Variants in ZFP2 observed in about 807,000 individuals in gnomAD.
ZFP2 encodes ZFP2 zinc finger protein.
In ZFP2, 33 loss-of-function variants were observed where a neutral mutation model predicts 36.1. That is an observed-to-expected ratio of 0.92 (90% CI 0.69 to 1.22). The LOEUF (loss-of-function observed/expected upper bound fraction) is 1.22. Among genes scored for constraint, ZFP2 ranks in the 50% most tolerant of loss-of-function variants. The pLI is 0.00. For synonymous variants in ZFP2, 170 were observed against 178.0 expected, an observed-to-expected ratio of 0.96 and a Z score of 0.36; for missense variants, 522 against 551.4, an observed-to-expected ratio of 0.95 and a Z score of 0.53.
chr5:178,917,720 G>T (rs1375971605), intron 4 of ZFP2, among the ~76,000 whole-genome samples: 2 of 152,182 alleles, frequency 1.3e-5, no homozygotes, highest in Non-Finnish European at 2.9e-5. Flanking sequence ...CATACACAGA[G>T]AATTTATATA....
intron 4 of ZFP2, among the ~76,000 whole-genome samples, chr5:178,924,262 A>G (rs542005477): frequency 6.8e-6 from 1 of 147,148 alleles, no homozygotes; most frequent in Non-Finnish European, 1.5e-5. Flanking sequence ...AGTCCCAGCT[A>G]CTCGGGAGGC....
At chr5:178,931,172 CT>C in intron 4 of ZFP2, 64 bp from the exon 5 acceptor site, 1 of 1,433,914 alleles carries the variant, frequency 7.0e-7, no homozygotes, top group Non-Finnish European at 9.1e-7. Flanking sequence ...TCATTCCTAC[CT>C]TATGCAGTTT....
chr5:178,914,498 A>G (rs1288806629), intron 3 of ZFP2, among the ~76,000 whole-genome samples: 2 of 152,200 alleles, frequency 1.3e-5, no homozygotes, highest in African/African-American at 2.4e-5. Context: ...TATGGATTTT[A>G]TTACTATTGA....
chr5:178,932,286 C>A lies in ZFP2; in HGVS notation c.973C>A (p.Pro325Thr), dbSNP rs1448036578. 1 of 1,614,038 alleles carries A rather than the reference C, an allele frequency of 6.2e-7. No individual in the cohort carries two copies. Among genetic ancestry groups the A allele is most frequent in the African/African-American group, 1.3e-5 (1 of 74,916 alleles). Reference sequence around the variant, plus strand: ...TCAGAGACTTCATTCTGGAGTAAAACCTTTTGAATGTAACGAGTGTGGAAA... The same window carrying A: ...TCAGAGACTTCATTCTGGAGTAAAAACTTTTGAATGTAACGAGTGTGGAAA... ...EHQRLHSGVKPFECNECGKAF... is the reference protein window; with the variant it reads ...EHQRLHSGVKTFECNECGKAF... The change falls in exon 5 of 5, where the codon CCT (proline) becomes ACT (threonine). Residue 325 changes from proline to threonine, a missense_variant. Transcript: ENST00000361362.
At chr5:178,908,094 GGAAATT>G (rs1415870263) in intron 1 of ZFP2, among the ~76,000 whole-genome samples, 9 of 152,154 alleles carry the variant, frequency 5.9e-5, no homozygotes. Context: ...TAAATCGCCT[GGAAATT>G]AATGCAGTGT....
At position 178,931,397 on chromosome 5, in the gene ZFP2, T is replaced by C; in HGVS notation, c.84T>C (p.His28=). The C allele has an allele frequency of 6.2e-7, 1 of 1,614,132 alleles. No individual in the cohort carries two copies. Among genetic ancestry groups the C allele is most frequent in the Non-Finnish European group, 8.5e-7 (1 of 1,180,006 alleles). Reference sequence around the variant, plus strand: ...GGTTAGAGGGACAACAGGATAGTCATCTGAGCCAAGTGGGAGTTACCCATA... The same window carrying C: ...GGTTAGAGGGACAACAGGATAGTCACCTGAGCCAAGTGGGAGTTACCCATA... ...NNWLEGQQDS[H]LSQVGVTHKE... Residue 28 remains histidine, a synonymous_variant, in exon 5 of 5, where the codon CAT becomes CAC. Transcript: ENST00000361362.
At chr5:178,898,700 C>G (rs1296694318) in intron 1 of ZFP2, among the ~76,000 whole-genome samples, 4 of 152,182 alleles carry the variant, frequency 2.6e-5, no homozygotes. Flanking sequence ...CCCTCTCAAA[C>G]CTCCCCCTTC....
chr5:178,912,541 CAG>C (rs779088189), intron 1 of ZFP2, 41 bp from the exon 2 acceptor site: 31 of 550,052 alleles, frequency 5.6e-5, no homozygotes, highest in Non-Finnish European at 7.0e-5. Context: ...TCACTCCCCT[CAG>C]AGGGTTTGGT....
At chr5:178,919,224 G>T (rs192465647) in intron 4 of ZFP2, among the ~76,000 whole-genome samples, 15 of 152,178 alleles carry the variant, frequency 9.9e-5, no homozygotes, top group Non-Finnish European at 2.1e-4. Flanking sequence ...CCATCTATCA[G>T]GTTGATCATA....
intron 1 of ZFP2, among the ~76,000 whole-genome samples, chr5:178,896,961 A>G (rs931962175): frequency 6.6e-6 from 1 of 152,036 alleles, no homozygotes; most frequent in African/African-American, 2.4e-5. Flanking sequence ...GAGCTACGTC[A>G]TTTTAATGAG....
intron 1 of ZFP2, among the ~76,000 whole-genome samples, chr5:178,908,624 A>T (rs1182448082): frequency 3.3e-5 from 5 of 151,024 alleles, no homozygotes; most frequent in African/African-American, 1.2e-4. Flanking sequence ...CCCTACCAAA[A>T]AAAAAAAAAA....
At chr5:178,919,081 T>C (rs1758496817) in intron 4 of ZFP2, among the ~76,000 whole-genome samples, 1 of 152,208 alleles carries the variant, frequency 6.6e-6, no homozygotes, top group Non-Finnish European at 1.5e-5. Flanking sequence ...GTAGTAGTAA[T>C]AGTAAGCACC....
chr5:178,906,048 T>C (rs1273076671), intron 1 of ZFP2, among the ~76,000 whole-genome samples: 1 of 152,192 alleles, frequency 6.6e-6, no homozygotes, highest in Non-Finnish European at 1.5e-5. Context: ...AGCCACCATG[T>C]CTGGCCATGT....
intron 4 of ZFP2, among the ~76,000 whole-genome samples, chr5:178,926,903 G>A (rs2113120396): frequency 6.6e-6 from 1 of 152,284 alleles, no homozygotes; most frequent in South Asian, 2.1e-4. Context: ...GAGCCTGGTT[G>A]TCTTTCCACT....
Position 178,898,200 on chromosome 5 carries a change from G to A in ZFP2, c.-450+2226G>A, listed in dbSNP as rs142522847. 9.5e-3 allele frequency among the ~76,000 whole-genome samples: 1,449 copies of A among 152,280 alleles called. 24 individuals are homozygous for A. Among genetic ancestry groups the A allele is most frequent in the African/African-American group, 0.032 (1,347 of 41,570 alleles). ...AGGATTTTGCCATTTTGGCCAGGCT[G>A]GTCTCGAACTCCTGGCCTCAAGTGG... On this transcript the variant is annotated intron_variant, in intron 1 of 4. Coordinates refer to ENST00000361362, the MANE Select transcript of ZFP2 (RefSeq NM_030613.4).
In ZFP2 at chr5:178,932,095, A is replaced by G. The variant is rs941070933; in HGVS notation, c.782A>G (p.Gln261Arg). ...FSQSMHLIVH[Q>R]RSHTGEKPYE... ...CAAAGCATGCATCTTATTGTACATC[A>G]GAGAAGCCATACTGGAGAAAAACCC... The change falls in exon 5 of 5, where the codon CAG (glutamine) becomes CGG (arginine). Residue 261 changes from glutamine (Q) to arginine (R), a missense_variant. Gln to Arg is a conservative substitution (Grantham distance 43, BLOSUM62 1). Transcript: ENST00000361362. The G allele has an allele frequency of 1.9e-6, 3 of 1,614,024 alleles. No homozygotes were observed. The highest frequency in any genetic ancestry group is 2.5e-6 in the Non-Finnish European group (3 of 1,180,028).
intron 4 of ZFP2, among the ~76,000 whole-genome samples, chr5:178,923,596 G>A (rs1758605598): frequency 6.7e-6 from 1 of 149,436 alleles, no homozygotes; most frequent in Non-Finnish European, 1.5e-5. Context: ...ATTTAAGACT[G>A]TGTTTTGCCT....
At chr5:178,907,036 A>G (rs916301979) in intron 1 of ZFP2, among the ~76,000 whole-genome samples, 10 of 152,154 alleles carry the variant, frequency 6.6e-5, no homozygotes, top group African/African-American at 2.4e-4. Flanking sequence ...AACTGAAACC[A>G]GGTAGGACCA....
rs775014010 is a variant in ZFP2, at chr5:178,932,747, A to C, written c.*48A>C. 2 of 1,525,002 alleles carry C rather than the reference A, an allele frequency of 1.3e-6. No individual in the cohort carries two copies. Among genetic ancestry groups the C allele is most frequent in the Admixed American group, 4.4e-5 (2 of 44,974 alleles). 94.5% of individuals were successfully genotyped at this position (1,525,002 alleles called of 1,614,324 possible). A position where few individuals can be genotyped will look rare whatever the true frequency, so the allele number is the denominator to read the frequency against. ...CCTCATGATTAACTCTTCAGTAATA[A>C]TCATATGAGACATACAATGTAGAAA... is the stretch of plus-strand genomic sequence containing the variant. On this transcript the variant is annotated 3_prime_UTR_variant, in exon 5 of 5. Transcript: ENST00000361362.
Sources: allele counts gnomAD v4.1 joint callset (sites outside exome capture counted in the v4.1 genomes callset), GRCh38; gene constraint gnomAD v4.1.1; transcripts MANE v1.5; gene names NCBI Gene and HGNC (gene_info 2026-07-23, HGNC 2026-07-21).